ELOVL4: variants seen among roughly 807,000 people sequenced by gnomAD.
ELOVL4 encodes the protein very long chain fatty acid elongase 4.
A neutral mutation model predicts 42.1 loss-of-function variants in ELOVL4; 18 were observed. The observed-to-expected ratio is 0.43, with a 90% CI of 0.30 to 0.63. The LOEUF is 0.63. Among genes scored for constraint, ELOVL4 ranks in the 30% least tolerant of loss-of-function variants. The probability of loss-of-function intolerance (pLI) is 0.15; values close to 1 mark genes in which losing one functional copy is unlikely to be tolerated. For missense variants in ELOVL4, 299 were observed against 376.2 expected, an observed-to-expected ratio of 0.79 and a Z score of 1.70; for synonymous variants, 117 against 127.0, an observed-to-expected ratio of 0.92 and a Z score of 0.53.
rs534888729 is a variant in ELOVL4 at position 79,929,545 on chromosome 6, C to A, written c.101-3164G>T. 2.0e-5 allele frequency among the ~76,000 whole-genome samples: 3 copies of A among 152,268 alleles called. No individual in the cohort carries two copies. The South Asian group carries it at 6.2e-4, about 32-fold the overall frequency. ...CGTGAGCCACCATGCCCAGCCCATGCAGCCCATTTCTAAGAAGACCACATT... is the reference window on the plus strand; with the variant it reads ...CGTGAGCCACCATGCCCAGCCCATGAAGCCCATTTCTAAGAAGACCACATT... On this transcript the variant is annotated intron_variant, in intron 1 of 5. Coordinates refer to ENST00000369816, the MANE Select transcript of ELOVL4 (RefSeq NM_022726.4).
chr6:79,921,447 G>A (rs576906425), intron 4 of ELOVL4, among the ~76,000 whole-genome samples, 178 bp downstream of exon 4: 10 of 105,138 alleles, frequency 9.5e-5, no homozygotes, highest in African/African-American at 3.3e-4. Context: ...GTGACAGAGC[G>A]AGACTCCATC....
In ELOVL4 at chr6:79,947,028, C is replaced by T. The variant is rs78496216; in HGVS notation, c.100+152G>A. The stretch of plus-strand genomic sequence containing the variant: ...CGGATCAGATTAACCAGTGCTCAAC[C>T]GCAGTGCCCGCGCCGGCCCCTCCGC... On this transcript the variant is annotated intron_variant, in intron 1 of 5. Coordinates refer to ENST00000369816, the MANE Select transcript of ELOVL4 (RefSeq NM_022726.4). 16,908 of 676,274 alleles carry T rather than the reference C, an allele frequency of 0.025. 302 individuals are homozygous for T. The highest frequency in any genetic ancestry group is 0.06 in the Middle Eastern group (153 of 2,562). The allele number at this position is 676,274 out of a possible 1,614,324, so 41.9% of individuals were successfully genotyped here. A position where few individuals can be genotyped will look rare whatever the true frequency, so the allele number is the denominator to read the frequency against.
intron 1 of ELOVL4, among the ~76,000 whole-genome samples, chr6:79,928,527 G>T (rs754103531): frequency 1.3e-5 from 2 of 151,952 alleles, no homozygotes; most frequent in Non-Finnish European, 2.9e-5. Flanking sequence ...ATGCTGTATC[G>T]TTTTCATTCA....
intron 1 of ELOVL4, among the ~76,000 whole-genome samples, chr6:79,932,566 G>A (rs191713099): frequency 2.0e-5 from 3 of 148,820 alleles, no homozygotes; most frequent in Non-Finnish European, 3.0e-5. Context: ...AAAAAAAATA[G>A]AGTCCACCTG....
chr6:79,941,444 G>A (rs761959046), intron 1 of ELOVL4, among the ~76,000 whole-genome samples: 5 of 152,168 alleles, frequency 3.3e-5, no homozygotes, highest in African/African-American at 7.2e-5. Context: ...GATTTTATAT[G>A]TCTTGGAATC....
At chr6:79,927,286 C>G (rs1774360058) in intron 1 of ELOVL4, among the ~76,000 whole-genome samples, 1 of 151,908 alleles carries the variant, frequency 6.6e-6, no homozygotes, top group Non-Finnish European at 1.5e-5. Flanking sequence ...TTTCTAAAAG[C>G]TAAACAACAG....
intron 1 of ELOVL4, among the ~76,000 whole-genome samples, chr6:79,935,173 C>T (rs541191776): frequency 1.3e-5 from 2 of 152,212 alleles, no homozygotes; most frequent in Admixed American, 6.5e-5. Flanking sequence ...AATACACAAA[C>T]AACTATAATT....
At chr6:79,920,562 G>T (rs1186325947) in intron 4 of ELOVL4, among the ~76,000 whole-genome samples, 3 of 152,036 alleles carry the variant, frequency 2.0e-5, no homozygotes, top group African/African-American at 7.3e-5. Context: ...GATGTGTCTT[G>T]GGGATAGGAC....
intron 3 of ELOVL4, among the ~76,000 whole-genome samples, chr6:79,924,004 T>C (rs1486483972): frequency 6.8e-6 from 1 of 147,624 alleles, no homozygotes; most frequent in East Asian, 2.0e-4. Flanking sequence ...ATAGGTAACA[T>C]AAAACATGTT....
At chr6:79,935,449 C>T (rs937662080) in intron 1 of ELOVL4, among the ~76,000 whole-genome samples, 23 of 152,140 alleles carry the variant, frequency 1.5e-4, no homozygotes, top group Admixed American at 1.4e-3. Flanking sequence ...AGTAGGAAAT[C>T]ATCTTAGATG....
rs113973362 is a variant in ELOVL4 at position 79,946,798 on chromosome 6, A to C, written c.100+382T>G. Among the ~76,000 whole-genome samples the C allele has an allele frequency of 6.4e-3, 974 of 152,248 alleles. 10 individuals are homozygous for C. The highest frequency in any genetic ancestry group is 0.021 in the African/African-American group (884 of 41,556). ...CCGCTCTCCATACAAAATAGGACTA[A>C]ATGTTAAAAGGAATCCTGTGCACGG... On this transcript the variant is annotated intron_variant, in intron 1 of 5. Transcript: ENST00000369816.
chr6:79,944,929 C>T (rs148647843), intron 1 of ELOVL4, among the ~76,000 whole-genome samples: 4,671 of 149,972 alleles, frequency 0.031, 108 homozygotes, highest in Middle Eastern at 0.059. Context: ...TGATATCCCC[C>T]ACCCAGATTT....
chr6:79,923,780 A>C (rs1774298028), intron 3 of ELOVL4, among the ~76,000 whole-genome samples: 1 of 152,228 alleles, frequency 6.6e-6, no homozygotes, highest in Non-Finnish European at 1.5e-5. Context: ...TAATGAATAA[A>C]TAAAACCAAC....
chr6:79,921,707 T>C lies in ELOVL4; in HGVS notation c.459A>G (p.Gln153=). Residue 153 remains glutamine, a synonymous_variant, in exon 4 of 6, where the codon CAA becomes CAG. Coordinates refer to ENST00000369816, the MANE Select transcript of ELOVL4 (RefSeq NM_022726.4). The stretch of plus-strand genomic sequence containing the variant: ...GATGATACACATGAAGGAAAGAAAC[T>C]TGGTTGTTTTTCTTTCTCAGAATAA... The part of the protein sequence containing the change: ...VFFILRKKNN[Q]VSFLHVYHHC... The C allele has an allele frequency of 6.2e-7, 1 of 1,613,916 alleles. No individual in the cohort carries two copies. Among genetic ancestry groups the C allele is most frequent in the Middle Eastern group, 1.6e-4 (1 of 6,062 alleles).
At chr6:79,939,109 A>T (rs893103108) in intron 1 of ELOVL4, among the ~76,000 whole-genome samples, 1 of 152,232 alleles carries the variant, frequency 6.6e-6, no homozygotes, top group African/African-American at 2.4e-5. Flanking sequence ...GTTATTTGCT[A>T]CTTTCTAGCC....
chr6:79,933,871 T>C (rs1050109132), intron 1 of ELOVL4, among the ~76,000 whole-genome samples: 1 of 152,094 alleles, frequency 6.6e-6, no homozygotes, highest in East Asian at 1.9e-4. Context: ...GAAGGTTTCG[T>C]GGGTAAAATC....
intron 1 of ELOVL4, among the ~76,000 whole-genome samples, chr6:79,938,329 C>T (rs899081907): frequency 3.3e-5 from 5 of 152,142 alleles, no homozygotes; most frequent in African/African-American, 1.2e-4. Flanking sequence ...AATGGTGTTT[C>T]CCTTTAGCAA....
At chr6:79,945,737 G>A (rs1393872363) in intron 1 of ELOVL4, among the ~76,000 whole-genome samples, 4 of 152,170 alleles carry the variant, frequency 2.6e-5, no homozygotes, top group East Asian at 1.9e-4. Context: ...TGAAGGGAAG[G>A]GCACATCTTT....
At position 79,947,276 on chromosome 6, in the gene ELOVL4, C is replaced by G. The variant is rs767904320; in HGVS notation, c.4G>C (p.Gly2Arg). The G allele has an allele frequency of 6.2e-7, 1 of 1,611,308 alleles. No individual in the cohort carries two copies. The highest frequency in any genetic ancestry group is 2.2e-5 in the East Asian group (1 of 44,782). ...CTACCCGGCTCCGAGTCCAGGAGCC[C>G]CATCGCGGCGATGAGCGGGCGCTGG... Reference protein sequence around the residue: MGLLDSEPGSVL... With the variant: MRLLDSEPGSVL... The change falls in exon 1 of 6, where the codon GGG becomes CGG. Residue 2 changes from glycine (G) to arginine (R), a missense_variant. By Grantham distance (125) the Gly-to-Arg change is moderately radical (BLOSUM62 -2). Transcript: ENST00000369816.
Sources: gnomAD v4.1 joint callset for allele counts (sites outside exome capture counted in the v4.1 genomes callset) on GRCh38, gnomAD v4.1.1 for gene constraint, MANE v1.5 for transcripts, NCBI Gene and HGNC (gene_info 2026-07-23, HGNC 2026-07-21) for gene names.